Variants in PCCA observed in about 807,000 individuals in gnomAD.
PCCA encodes propionyl-CoA carboxylase subunit alpha.
PCCA carries 74 observed loss-of-function variants against 101.3 expected under a neutral mutation model. That is an observed-to-expected ratio of 0.73 (90% CI 0.61 to 0.89). The LOEUF (loss-of-function observed/expected upper bound fraction) is 0.89, where lower values mean the gene tolerates loss of function less well. PCCA is among the 40% of genes least tolerant of loss of function. PCCA has a pLI of 0.00. For missense variants in PCCA, 891 were observed against 907.0 expected, an observed-to-expected ratio of 0.98 and a Z score of 0.23; for synonymous variants, 294 against 313.6, an observed-to-expected ratio of 0.94 and a Z score of 0.66.
chr13:100,179,461 T>C (rs2056574915), intron 6 of PCCA, among the ~76,000 whole-genome samples: 1 of 152,320 alleles, frequency 6.6e-6, no homozygotes, highest in South Asian at 2.1e-4. Context: ...CGTGATCTTT[T>C]AGGGAAGTGA....
At chr13:100,273,168 G>T in intron 11 of PCCA, 28 bp from the exon 12 acceptor site, 1 of 1,594,372 alleles carries the variant, frequency 6.3e-7, no homozygotes, top group Non-Finnish European at 8.6e-7. Flanking sequence ...TGTCCGAAAT[G>T]TAGACAAACA....
At chr13:100,428,835 A>G (rs1332004108) in intron 20 of PCCA, among the ~76,000 whole-genome samples, 2 of 152,168 alleles carry the variant, frequency 1.3e-5, no homozygotes, top group African/African-American at 4.8e-5. Flanking sequence ...TGCCCCAGCA[A>G]GGTGGGTAGG....
At chr13:100,133,285 T>G (rs1244832502) in intron 4 of PCCA, among the ~76,000 whole-genome samples, 1 of 152,202 alleles carries the variant, frequency 6.6e-6, no homozygotes, top group Non-Finnish European at 1.5e-5. Flanking sequence ...CTTTATGTAT[T>G]CCGAATACAG....
intron 12 of PCCA, among the ~76,000 whole-genome samples, chr13:100,288,129 C>G (rs541968643): frequency 2.1e-4 from 32 of 151,996 alleles, no homozygotes; most frequent in Non-Finnish European, 4.1e-4. Flanking sequence ...ATTTTAAAAA[C>G]GAACTTTATT....
intron 21 of PCCA, among the ~76,000 whole-genome samples, chr13:100,501,717 C>A (rs894306111): frequency 3.8e-4 from 58 of 151,656 alleles, no homozygotes; most frequent in Admixed American, 3.4e-3. Context: ...ACTAAAAATA[C>A]AAAAAAATTA....
chr13:100,157,217 C>G, intron 5 of PCCA, 70 bp from the exon 6 acceptor site: 2 of 1,007,286 alleles, frequency 2.0e-6, no homozygotes, highest in Non-Finnish European at 3.2e-6. Context: ...CATAAATGCA[C>G]TGTACATTTT....
At chr13:100,389,009 G>T (rs1029149268) in intron 19 of PCCA, among the ~76,000 whole-genome samples, 1 of 152,158 alleles carries the variant, frequency 6.6e-6, no homozygotes, top group East Asian at 1.9e-4. Context: ...TACCTTTTAT[G>T]ACATAGGTCC....
chr13:100,151,922 A>G (rs1023088880), intron 4 of PCCA, among the ~76,000 whole-genome samples: 4 of 152,314 alleles, frequency 2.6e-5, no homozygotes, highest in Admixed American at 1.3e-4. Flanking sequence ...TACTCAGCCT[A>G]TGCAATATTA....
At chr13:100,376,379 G>C (rs1002886585) in intron 19 of PCCA, among the ~76,000 whole-genome samples, 1 of 152,216 alleles carries the variant, frequency 6.6e-6, no homozygotes, top group African/African-American at 2.4e-5. Flanking sequence ...GGAGTGCTGT[G>C]CTAGGAGATC....
intron 19 of PCCA, among the ~76,000 whole-genome samples, chr13:100,379,964 T>A (rs1021495505): frequency 6.6e-6 from 1 of 151,954 alleles, no homozygotes; most frequent in Non-Finnish European, 1.5e-5. Flanking sequence ...TATCAGAAAT[T>A]GACAAGCTGA....
chr13:100,279,440 A>G (rs1461019628), intron 12 of PCCA, among the ~76,000 whole-genome samples: 2 of 152,164 alleles, frequency 1.3e-5, no homozygotes, highest in Non-Finnish European at 2.9e-5. Context: ...CTATTCTTAC[A>G]TATTCCAAAG....
chr13:100,429,734 G>A (rs961302822), intron 20 of PCCA, among the ~76,000 whole-genome samples: 1 of 151,848 alleles, frequency 6.6e-6, no homozygotes, highest in Non-Finnish European at 1.5e-5. Flanking sequence ...AGCCTCTGGA[G>A]TAGCTGGGAT....
chr13:100,249,191 G>A (rs2061618691), intron 8 of PCCA, among the ~76,000 whole-genome samples: 1 of 152,134 alleles, frequency 6.6e-6, no homozygotes. Context: ...TCACCTAGAT[G>A]TTCTTCTATT....
intron 7 of PCCA, among the ~76,000 whole-genome samples, chr13:100,230,539 CAA>C (rs112076583): frequency 1.6e-4 from 19 of 121,792 alleles, no homozygotes; most frequent in Admixed American, 1.8e-4. Flanking sequence ...ACTCCCATCT[CAA>C]AAAAAAAAAA....
At chr13:100,169,490 A>G (rs1432792120) in intron 6 of PCCA, among the ~76,000 whole-genome samples, 1 of 150,880 alleles carries the variant, frequency 6.6e-6, no homozygotes, top group African/African-American at 2.4e-5. Context: ...TCACTTTTGT[A>G]TGCAAGTAGA....
chr13:100,425,574 A>T lies in PCCA; in HGVS notation c.1747-59A>T, dbSNP rs1198454965. Reference sequence around the variant, plus strand: ...GCTGCTGCTTTGTATGCAGCAATGAACTTGAGATCAGTTTTCTGTCTTTCT... The same window carrying T: ...GCTGCTGCTTTGTATGCAGCAATGATCTTGAGATCAGTTTTCTGTCTTTCT... On this transcript the variant is annotated intron_variant, in intron 19 of 23. Coordinates refer to ENST00000376285, the MANE Select transcript of PCCA (RefSeq NM_000282.4). 5 of 1,154,734 alleles carry T rather than the reference A, an allele frequency of 4.3e-6. No homozygotes were observed. The African/African-American group carries it at 6.0e-5, about 14-fold the overall frequency. 71.5% of individuals were successfully genotyped at this position (1,154,734 alleles called of 1,614,324 possible). A position where few individuals can be genotyped will look rare whatever the true frequency, so the allele number is the denominator to read the frequency against.
chr13:100,158,651 G>A (rs760196356), intron 6 of PCCA, among the ~76,000 whole-genome samples: 5 of 152,118 alleles, frequency 3.3e-5, no homozygotes, highest in East Asian at 3.9e-4. Context: ...AGATGTGTAT[G>A]TGTGTATATA....
chr13:100,251,576 A>G (rs1250650702), intron 8 of PCCA, among the ~76,000 whole-genome samples: 4 of 152,178 alleles, frequency 2.6e-5, no homozygotes, highest in Non-Finnish European at 4.4e-5. Context: ...GATATTGACT[A>G]AAGCAAGAAT....
At chr13:100,254,399 C>T (rs1167314445) in intron 8 of PCCA, among the ~76,000 whole-genome samples, 1 of 152,100 alleles carries the variant, frequency 6.6e-6, no homozygotes, top group Non-Finnish European at 1.5e-5. Flanking sequence ...AGTAAGTGCT[C>T]CAGTGGATGA....
Sources: allele counts gnomAD v4.1 joint callset (sites outside exome capture counted in the v4.1 genomes callset), GRCh38; gene constraint gnomAD v4.1.1; transcripts MANE v1.5; gene names NCBI Gene and HGNC (gene_info 2026-07-23, HGNC 2026-07-21).